TBC1D19: variants seen among roughly 807,000 people sequenced by gnomAD.
TBC1D19 encodes the protein TBC1 domain family, member 19.
TBC1D19 carries 60 observed loss-of-function variants against 89.0 expected under a neutral mutation model. The ratio of observed to expected loss-of-function variants is 0.67; its 90% CI spans 0.55 to 0.84. The LOEUF is 0.84. Among genes scored for constraint, TBC1D19 ranks in the 40% least tolerant of loss-of-function variants. The pLI is 0.00. For missense variants in TBC1D19, 500 were observed against 610.8 expected, an observed-to-expected ratio of 0.82 and a Z score of 1.91; for synonymous variants, 189 against 199.7, an observed-to-expected ratio of 0.95 and a Z score of 0.45.
At chr4:26,664,731 G>T (rs1711633773) in intron 8 of TBC1D19, among the ~76,000 whole-genome samples, 3 of 151,560 alleles carry the variant, frequency 2.0e-5, no homozygotes, top group Admixed American at 2.0e-4. Flanking sequence ...CAGCTCGAAT[G>T]CCTGGGTTTA....
At chr4:26,761,727 G>A in the TBC1D19 span, among the ~76,000 whole-genome samples, 1 of 152,090 alleles carries the variant, frequency 6.6e-6, no homozygotes, top group African/African-American at 2.4e-5. Flanking sequence ...GAATACAGAA[G>A]TGTTGCAGCT....
At chr4:26,673,199 C>T (rs886483498) in intron 10 of TBC1D19, among the ~76,000 whole-genome samples, 3 of 151,526 alleles carry the variant, frequency 2.0e-5, no homozygotes, top group Non-Finnish European at 3.0e-5. Context: ...TTTGTTTCTA[C>T]GTCTTTGAAA....
intron 18 of TBC1D19, among the ~76,000 whole-genome samples, chr4:26,747,096 A>G (rs1194387568): frequency 6.6e-6 from 1 of 152,244 alleles, no homozygotes; most frequent in African/African-American, 2.4e-5. Context: ...TGGTGACCAC[A>G]GTTGGCTATG....
chr4:26,622,206 G>T (rs572145171), intron 4 of TBC1D19, among the ~76,000 whole-genome samples: 43 of 151,054 alleles, frequency 2.8e-4, no homozygotes, highest in Admixed American at 1.3e-3. Flanking sequence ...TAACAAACCT[G>T]CACGTTGTAC....
At chr4:26,644,052 G>C (rs1743739322) in intron 7 of TBC1D19, among the ~76,000 whole-genome samples, 1 of 152,094 alleles carries the variant, frequency 6.6e-6, no homozygotes, top group Admixed American at 6.5e-5. Context: ...GAAAAAGAGG[G>C]AATCCTCCTT....
the TBC1D19 span, among the ~76,000 whole-genome samples, chr4:26,794,438 G>GT: frequency 6.6e-6 from 1 of 151,812 alleles, no homozygotes; most frequent in East Asian, 1.9e-4. Context: ...GTAAAAGAGG[G>GT]TAAAAACATG....
At chr4:26,634,562 T>TA (rs1743008934) in intron 4 of TBC1D19, among the ~76,000 whole-genome samples, 1 of 152,178 alleles carries the variant, frequency 6.6e-6, no homozygotes, top group Non-Finnish European at 1.5e-5. Context: ...CAGTTAATTT[T>TA]ATGCAGTTGT....
chr4:26,765,238 C>T, the TBC1D19 span, among the ~76,000 whole-genome samples: 1 of 152,086 alleles, frequency 6.6e-6, no homozygotes, highest in East Asian at 1.9e-4. Context: ...GGAGGAATAA[C>T]ACTCTAAAAT....
chr4:26,616,368 TAGAG>T (rs1020233271), intron 3 of TBC1D19, among the ~76,000 whole-genome samples: 1 of 152,178 alleles, frequency 6.6e-6, no homozygotes, highest in Non-Finnish European at 1.5e-5. Flanking sequence ...AGTTAAGCCT[TAGAG>T]AGAGTCCAAG....
chr4:26,600,685 T>C lies in TBC1D19; in HGVS notation c.100-12484T>C, dbSNP rs563906055. 7.5e-4 allele frequency among the ~76,000 whole-genome samples: 114 copies of C among 152,246 alleles called. 3 individuals carry two copies. In the South Asian group the frequency reaches 0.022, roughly 29 times the overall value. On this transcript the variant is annotated intron_variant, in intron 1 of 20. Transcript: ENST00000264866. ...AGTGCTGGAAGAGAAGGGGGTCAGC[T>C]TGGGGATGTCAGCAAAAGAAAACCA...
intron 7 of TBC1D19, among the ~76,000 whole-genome samples, chr4:26,649,290 G>A (rs756772812): frequency 2.6e-5 from 4 of 151,888 alleles, no homozygotes; most frequent in South Asian, 2.1e-4. Context: ...ATATGATAGC[G>A]TTTCTGTCAT....
At chr4:26,588,145 C>T (rs1017485804) in intron 1 of TBC1D19, among the ~76,000 whole-genome samples, 37 of 151,820 alleles carry the variant, frequency 2.4e-4, no homozygotes, top group African/African-American at 9.0e-4. Context: ...TCTACCTCAG[C>T]CTCCTGAGTA....
chr4:26,666,491 A>AT, intron 9 of TBC1D19, 86 bp downstream of exon 9: 5 of 1,106,376 alleles, frequency 4.5e-6, no homozygotes, highest in East Asian at 4.9e-5. Context: ...TAATCTAGCA[A>AT]TTTTTTTATA....
At chr4:26,817,666 G>T in the TBC1D19 span, among the ~76,000 whole-genome samples, 1 of 151,958 alleles carries the variant, frequency 6.6e-6, no homozygotes, top group Non-Finnish European at 1.5e-5. Context: ...TTTGTTTAGG[G>T]TCTAAAATAT....
At chr4:26,781,322 A>G in the TBC1D19 span, among the ~76,000 whole-genome samples, 2 of 152,138 alleles carry the variant, frequency 1.3e-5, no homozygotes, top group East Asian at 1.9e-4. Flanking sequence ...TAACAAAGTG[A>G]GGCTCTCAAG....
chr4:26,720,888 T>TA (rs1303967730), intron 15 of TBC1D19, among the ~76,000 whole-genome samples: 1 of 152,154 alleles, frequency 6.6e-6, no homozygotes, highest in Non-Finnish European at 1.5e-5. Context: ...ATATGGTATA[T>TA]AAAACCACAA....
chr4:26,749,054 C>T (rs910157166), intron 19 of TBC1D19, among the ~76,000 whole-genome samples: 1 of 152,164 alleles, frequency 6.6e-6, no homozygotes, highest in African/African-American at 2.4e-5. Flanking sequence ...CTGAGTTTCC[C>T]CTTTTATTCT....
At chr4:26,803,384 A>C in the TBC1D19 span, among the ~76,000 whole-genome samples, 2 of 152,236 alleles carry the variant, frequency 1.3e-5, no homozygotes, top group South Asian at 4.2e-4. Context: ...CATAAATACC[A>C]CCCAAGTCTC....
the TBC1D19 span, among the ~76,000 whole-genome samples, chr4:26,791,906 T>C: frequency 6.6e-6 from 1 of 152,158 alleles, no homozygotes; most frequent in Non-Finnish European, 1.5e-5. Flanking sequence ...GGCTATCAAT[T>C]TGGAAGTTGT....
Sources: allele counts gnomAD v4.1 joint callset (sites outside exome capture counted in the v4.1 genomes callset), GRCh38; gene constraint gnomAD v4.1.1; transcripts MANE v1.5; gene names NCBI Gene and HGNC (gene_info 2026-07-23, HGNC 2026-07-21).